Variants in ENO3 observed in about 807,000 individuals in gnomAD.
ENO3 encodes enolase 3.
In ENO3, 46 loss-of-function variants were observed where a neutral mutation model predicts 47.7. The observed-to-expected ratio is 0.96, with a 90% CI of 0.76 to 1.23. The LOEUF (loss-of-function observed/expected upper bound fraction) is 1.23. ENO3 is among the 50% of genes most tolerant of loss of function. The pLI is 0.00. For missense variants in ENO3, 575 were observed against 566.2 expected (o/e 1.02, Z -0.16); for synonymous variants, 223 against 225.9 (o/e 0.99, Z 0.11).
In ENO3 at chr17:4,952,877, C is replaced by A; in HGVS notation, c.168C>A (p.Arg56=). Reference sequence around the variant, plus strand: ...AACTAAGAGACGGAGACAAAGGCCGCTACCTGGGGAAAGGTGAGGAGACAC... The same window carrying A: ...AACTAAGAGACGGAGACAAAGGCCGATACCTGGGGAAAGGTGAGGAGACAC... ...ALELRDGDKG[R]YLGKGVLKAV... Residue 56 remains arginine, a synonymous_variant, in exon 3 of 12, where the codon CGC becomes CGA. Coordinates refer to ENST00000519602, the MANE Select transcript of ENO3 (RefSeq NM_053013.4). 6.2e-7 allele frequency: 1 copy of A among 1,612,460 alleles called. No homozygotes were observed. Among genetic ancestry groups the A allele is most frequent in the Non-Finnish European group, 8.5e-7 (1 of 1,179,166 alleles).
intron 2 of ENO3, 41 bp downstream of exon 2, chr17:4,951,955 C>T (rs1971553924): frequency 6.2e-7 from 1 of 1,607,638 alleles, no homozygotes; most frequent in East Asian, 2.2e-5. Context: ...TCCGAAGACC[C>T]CAACCCTTTG....
In ENO3 at chr17:4,956,013, A is replaced by C. The variant is rs1490274214; in HGVS notation, c.937A>C (p.Ile313Leu). The change falls in exon 9 of 12, where the codon ATC (isoleucine) becomes CTC (leucine). Residue 313 changes from isoleucine to leucine, a missense_variant. Transcript: ENST00000519602. ...TWTSFLSGVN[I>L]QIVGDDLTVT... ...GACCTCCTTCCTCTCGGGGGTGAAC[A>C]TCCAGATTGTGGGGGATGACTTGAC... 1.4e-5 allele frequency: 22 copies of C among 1,613,796 alleles called. No individual in the cohort carries two copies. The highest frequency in any genetic ancestry group is 1.9e-5 in the Non-Finnish European group (22 of 1,179,952).
rs1971629415 is a variant in ENO3 at position 4,953,787 on chromosome 17, C to G, written c.386C>G (p.Pro129Arg). Residue 129 changes from proline (P) to arginine (R), a missense_variant, in exon 6 of 12, where the codon CCC becomes CGC. Coordinates refer to ENST00000519602, the MANE Select transcript of ENO3 (RefSeq NM_053013.4). ...GCGGGAGCAGCTGAGAAGGGGGTCC[C>G]CCTGTACCGCCACATCGCAGATCTC... ...CKAGAAEKGV[P>R]LYRHIADLAG... 1.2e-6 allele frequency: 2 copies of G among 1,614,194 alleles called. No individual in the cohort carries two copies. The highest frequency in any genetic ancestry group is 4.5e-5 in the East Asian group (2 of 44,888).
Position 4,956,592 on chromosome 17 carries a change from A to G in ENO3, c.1087A>G (p.Asn363Asp). ...ACTCAGGTGCAAACTGGCTCAGTCT[A>G]ATGGCTGGGGGGTGATGGTGAGCCA... ...SIQACKLAQS[N>D]GWGVMVSHRS... The change falls in exon 10 of 12, where the codon AAT (asparagine) becomes GAT (aspartate). Residue 363 changes from asparagine to aspartate, a missense_variant. By Grantham distance (23) the Asn-to-Asp change is conservative (BLOSUM62 1). Transcript: ENST00000519602. 6.2e-7 allele frequency: 1 copy of G among 1,614,150 alleles called. No homozygotes were observed.
In ENO3 at chr17:4,955,549, C is replaced by T. The variant is rs1184841710; in HGVS notation, c.810C>T (p.His270=). 3 of 1,614,234 alleles carry T rather than the reference C, an allele frequency of 1.9e-6. No homozygotes were observed. The highest frequency in any genetic ancestry group is 2.5e-6 in the Non-Finnish European group (3 of 1,180,034). Residue 270 remains histidine, a synonymous_variant, in exon 8 of 12, where the codon CAC becomes CAT. Coordinates refer to ENST00000519602, the MANE Select transcript of ENO3 (RefSeq NM_053013.4). ...AGTCGCCTGATGATCCCGCACGGCA[C>T]ATCACTGGGGAGAAGCTCGGAGAGC... ...DFKSPDDPAR[H]ITGEKLGELY...
chr17:4,950,676 C>T (rs1402052019), upstream of ENO3: 1 of 984,994 alleles, frequency 1.0e-6, no homozygotes, highest in East Asian at 1.1e-4. Context: ...GTCCTTTCCC[C>T]CACTGAGGAC....
rs1286996861 is a variant in ENO3, at chr17:4,956,146, G to A, written c.1067+3G>A. The A allele has an allele frequency of 5.0e-6, 8 of 1,613,462 alleles. No homozygotes were observed. The highest frequency in any genetic ancestry group is 6.8e-6 in the Non-Finnish European group (8 of 1,179,884). ...TCGGTGACCGAATCGATCCAGGCGT[G>A]AGTGCCTCCTGACCCTGAGGCTCAC... On this transcript the variant is annotated splice_donor_region_variant and intron_variant, in intron 9 of 11. Transcript: ENST00000519602.
At chr17:4,951,988 C>A in intron 2 of ENO3, 74 bp downstream of exon 2, 1 of 1,491,690 alleles carries the variant, frequency 6.7e-7, no homozygotes, top group Non-Finnish European at 9.3e-7. Flanking sequence ...CAGTTCTGTG[C>A]CATATCCTCT....
At chr17:4,951,953 C>T (rs1023904439) in intron 2 of ENO3, 39 bp downstream of exon 2, 13 of 1,607,932 alleles carry the variant, frequency 8.1e-6, no homozygotes, top group Non-Finnish European at 1.1e-5. Flanking sequence ...CCTCCGAAGA[C>T]CCCAACCCTT....
chr17:4,953,337 T>A lies in ENO3; in HGVS notation c.306T>A (p.Asn102Lys), dbSNP rs746866973. 14 of 1,614,146 alleles carry A rather than the reference T, an allele frequency of 8.7e-6. No homozygotes were observed. Among genetic ancestry groups the A allele is most frequent in the Admixed American group, 1.7e-5 (1 of 60,026 alleles). ...KFMIELDGTENKSKFGANAIL... is the reference protein window; with the variant it reads ...KFMIELDGTEKKSKFGANAIL... ...TGATTGAGCTAGATGGGACCGAGAA[T>A]AAGTGTGAGTGAAGGGCTAGCGGTG... The change falls in exon 5 of 12, where the codon AAT becomes AAA. Residue 102 changes from asparagine (N) to lysine (K), a missense_variant. By Grantham distance (94) the Asn-to-Lys change is moderately conservative. Coordinates refer to ENST00000519602, the MANE Select transcript of ENO3 (RefSeq NM_053013.4).
upstream of ENO3, chr17:4,949,408 T>G (rs1971478475): frequency 6.6e-6 from 1 of 152,390 alleles, no homozygotes; most frequent in East Asian, 1.9e-4. Context: ...AGGCAATGTC[T>G]GGATCACCGG....
intron 6 of ENO3, chr17:4,954,054 C>T (rs1276904090): frequency 6.7e-6 from 5 of 746,030 alleles, no homozygotes; most frequent in Non-Finnish European, 1.1e-5. Flanking sequence ...CCTTCCCTGC[C>T]ATATAACCCA....
At chr17:4,955,324 G>A in intron 7 of ENO3, 27 bp downstream of exon 7, 1 of 1,614,100 alleles carries the variant, frequency 6.2e-7, no homozygotes, top group South Asian at 1.1e-5. Flanking sequence ...CTGGGGGGCA[G>A]ACCCCCTGGA....
Position 4,953,761 on chromosome 17 carries a change from G to C in ENO3, c.360G>C (p.Lys120Asn), listed in dbSNP as rs757438216. 3.0e-5 allele frequency: 49 copies of C among 1,614,236 alleles called. No homozygotes were observed. Among genetic ancestry groups the C allele is most frequent in the Non-Finnish European group, 4.1e-5 (48 of 1,180,044 alleles). ...AILGVSLAVC[K>N]AGAAEKGVPL... The stretch of plus-strand genomic sequence containing the variant: ...TGGGCGTGTCCTTGGCCGTGTGTAA[G>C]GCGGGAGCAGCTGAGAAGGGGGTCC... The change falls in exon 6 of 12, where the codon AAG becomes AAC. Residue 120 changes from lysine (K) to asparagine (N), a missense_variant. Transcript: ENST00000519602.
At chr17:4,953,176 C>T (rs2151140724) in intron 4 of ENO3, 67 bp downstream of exon 4, 1 of 1,613,008 alleles carries the variant, frequency 6.2e-7, no homozygotes, top group East Asian at 2.2e-5. Context: ...CCAGACAGGC[C>T]TCTCCCGAAA....
Position 4,952,903 on chromosome 17 carries a change from C to T in ENO3, c.181+13C>T, listed in dbSNP as rs1327588084. On this transcript the variant is annotated intron_variant, in intron 3 of 11. Coordinates refer to ENST00000519602, the MANE Select transcript of ENO3 (RefSeq NM_053013.4). ...TACCTGGGGAAAGGTGAGGAGACAC[C>T]AGCGCAGAAGGAGCCTGTGTGGGCG... 3.7e-6 allele frequency: 6 copies of T among 1,611,598 alleles called. No homozygotes were observed. Among genetic ancestry groups the T allele is most frequent in the Non-Finnish European group, 4.2e-6 (5 of 1,178,676 alleles).
chr17:4,954,126 C>T lies in ENO3; in HGVS notation c.444+281C>T, dbSNP rs112574927. 1,820 of 535,668 alleles carry T rather than the reference C, an allele frequency of 3.4e-3. 25 individuals are homozygous for T. Among genetic ancestry groups the T allele is most frequent in the African/African-American group, 0.032 (1,673 of 52,852 alleles). The allele number at this position is 535,668 out of a possible 1,614,324, so 33.2% of individuals were successfully genotyped here. ...AGCCTCGTTCCAACCCCACACCCTA[C>T]ACCCAAATCATATTGAGAGTTTCTT... is the stretch of plus-strand genomic sequence containing the variant. On this transcript the variant is annotated intron_variant, in intron 6 of 11. Coordinates refer to ENST00000519602, the MANE Select transcript of ENO3 (RefSeq NM_053013.4).
chr17:4,955,693 T>C (rs752614107), intron 8 of ENO3, 89 bp downstream of exon 8: 1 of 1,569,444 alleles, frequency 6.4e-7, no homozygotes, highest in Non-Finnish European at 8.8e-7. Flanking sequence ...TGCCATCGAC[T>C]TGGATCCTTC....
At chr17:4,956,278 A>G (rs1971730996) in intron 9 of ENO3, 135 bp downstream of exon 9, 2 of 1,134,550 alleles carry the variant, frequency 1.8e-6, no homozygotes, top group Non-Finnish European at 2.6e-6. Context: ...CTTGATCTCA[A>G]GACTTTGTTT....
Sources: gnomAD v4.1 joint callset for allele counts on GRCh38, gnomAD v4.1.1 for gene constraint, MANE v1.5 for transcripts, NCBI Gene and HGNC (gene_info 2026-07-23, HGNC 2026-07-21) for gene names.